LITAF: variants seen among roughly 807,000 people sequenced by gnomAD.
The protein encoded by LITAF is lipopolysaccharide-induced tumor necrosis factor-alpha factor.
In LITAF, 9 loss-of-function variants were observed where a neutral mutation model predicts 14.5. That is an observed-to-expected ratio of 0.62 (90% CI 0.37 to 1.08). LITAF has a LOEUF of 1.08. Ranked by LOEUF, LITAF falls within the 50% of genes least tolerant of loss-of-function variation. The pLI is 0.01. For synonymous variants in LITAF, 98 were observed against 88.2 expected (o/e 1.11, Z -0.62); for missense variants, 206 against 213.4 (o/e 0.97, Z 0.22).
At chr16:11,610,928 C>G (rs2064979069) in intron 3 of LITAF, among the ~76,000 whole-genome samples, 2 of 152,020 alleles carry the variant, frequency 1.3e-5, no homozygotes, top group Non-Finnish European at 2.9e-5. Context: ...AGTGTCAGTC[C>G]TAATTGAAAC....
At chr16:11,593,509 A>G (rs772788936) in intron 1 of LITAF, among the ~76,000 whole-genome samples, 1 of 152,172 alleles carries the variant, frequency 6.6e-6, no homozygotes, top group Non-Finnish European at 1.5e-5. Context: ...GAAAACAAGT[A>G]CTCAAGTGAA....
At chr16:11,582,378 C>T (rs1008247097) in intron 1 of LITAF, among the ~76,000 whole-genome samples, 1 of 144,680 alleles carries the variant, frequency 6.9e-6, no homozygotes, top group East Asian at 2.1e-4. Context: ...GGGTGGTAAA[C>T]TCTTCTAAAA....
intron 3 of LITAF, among the ~76,000 whole-genome samples, chr16:11,631,000 T>C (rs75265513): frequency 0.018 from 2,767 of 152,288 alleles, 85 homozygotes; most frequent in East Asian, 0.14. Context: ...CTAAGCACTG[T>C]CTGCTTATTT....
Position 11,549,153 on chromosome 16 carries a change from T to G in LITAF, c.*484A>C, listed in dbSNP as rs16958443. 3.9e-3 allele frequency: 1,792 copies of G among 454,136 alleles called. 38 individuals carry two copies. The highest frequency in any genetic ancestry group is 0.033 in the African/African-American group (1,675 of 50,096). 28.1% of individuals were successfully genotyped at this position (454,136 alleles called of 1,614,324 possible). A position where few individuals can be genotyped will look rare whatever the true frequency, so the allele number is the denominator to read the frequency against. ...CCTGTAAAGTCTGTAAGGCAAGATC[T>G]TTGTCATCAGGGACGGGAAGAGACG... On this transcript the variant is annotated 3_prime_UTR_variant, in exon 4 of 4. Transcript: ENST00000622633. The surrounding 1 kb of genome is among the most constrained non-coding windows in gnomAD (Gnocchi z 4.6).
chr16:11,564,513 G>T (rs1446081783), intron 1 of LITAF, among the ~76,000 whole-genome samples: 1 of 151,944 alleles, frequency 6.6e-6, no homozygotes, highest in East Asian at 1.9e-4. Context: ...TTCAACGTTT[G>T]CACAATCAAA....
chr16:11,583,077 G>A (rs1171654502), intron 1 of LITAF, among the ~76,000 whole-genome samples: 1 of 152,168 alleles, frequency 6.6e-6, no homozygotes, highest in Non-Finnish European at 1.5e-5. Context: ...GAAAGGAAGC[G>A]AGAAATTGGC....
In LITAF at chr16:11,579,196, A is replaced by G. The variant is rs536012365; in HGVS notation, c.-6+7690T>C. On this transcript the variant is annotated intron_variant, in intron 1 of 3. Transcript: ENST00000622633. Reference sequence around the variant, plus strand: ...AAGAACAAAACTCTGTCTCAAAAAAATAAAACACAGTTTGGGAGGCCGAGG... The same window carrying G: ...AAGAACAAAACTCTGTCTCAAAAAAGTAAAACACAGTTTGGGAGGCCGAGG... Among the ~76,000 whole-genome samples the G allele has an allele frequency of 2.6e-5, 4 of 152,134 alleles. No individual in the cohort carries two copies. The South Asian group carries it at 8.3e-4, about 32-fold the overall frequency.
intron 1 of LITAF, among the ~76,000 whole-genome samples, chr16:11,597,894 G>C (rs916222500): frequency 1.3e-5 from 2 of 152,086 alleles, no homozygotes; most frequent in Non-Finnish European, 2.9e-5. Context: ...ACAAAACCCA[G>C]CATGCTTTTT....
At chr16:11,580,271 T>G (rs1449402374) in intron 1 of LITAF, among the ~76,000 whole-genome samples, 1 of 152,106 alleles carries the variant, frequency 6.6e-6, no homozygotes, top group African/African-American at 2.4e-5. Context: ...GTTTTTTTTT[T>G]TTTTGAGACG....
intron 1 of LITAF, among the ~76,000 whole-genome samples, chr16:11,582,505 G>A (rs1002323416): frequency 1.3e-5 from 2 of 152,024 alleles, no homozygotes; most frequent in African/African-American, 2.4e-5. Context: ...CTTAATCCTC[G>A]AAGATCGATT....
chr16:11,633,132 G>T (rs528454453), intron 3 of LITAF, among the ~76,000 whole-genome samples: 1 of 152,232 alleles, frequency 6.6e-6, no homozygotes, highest in South Asian at 2.1e-4. Flanking sequence ...GACACATCAC[G>T]CTGGAGGCAA....
At position 11,586,492 on chromosome 16, in the gene LITAF, T is replaced by C. The variant is rs1397042150; in HGVS notation, c.-6+394A>G. ...CCCCCGGGGGATATTTCTGGAAATC[T>C]CAACCTGAGTCACTAGAGAGAATCG... On this transcript the variant is annotated intron_variant, in intron 1 of 3. Transcript: ENST00000622633. This position sits in a 1 kb window ranked among gnomAD's most constrained non-coding sequence, Gnocchi z 6.5. 2 of 152,170 alleles carry C rather than the reference T, an allele frequency of 1.3e-5. No individual in the cohort carries two copies. The highest frequency in any genetic ancestry group is 4.8e-5 in the African/African-American group (2 of 41,450). 9.4% of individuals were successfully genotyped at this position (152,170 alleles called of 1,614,324 possible). A position where few individuals can be genotyped will look rare whatever the true frequency, so the allele number is the denominator to read the frequency against.
upstream of LITAF, among the ~76,000 whole-genome samples, chr16:11,602,824 A>C (rs2064935654): frequency 6.6e-6 from 1 of 151,890 alleles, no homozygotes; most frequent in African/African-American, 2.4e-5. Flanking sequence ...GAAAGGACAC[A>C]GGTGGGATTC....
At chr16:11,564,038 C>G (rs1424108253) in intron 1 of LITAF, among the ~76,000 whole-genome samples, 1 of 152,046 alleles carries the variant, frequency 6.6e-6, no homozygotes, top group Non-Finnish European at 1.5e-5. Flanking sequence ...TCCCGAGAAG[C>G]TGGGATTACA....
chr16:11,576,554 A>AAGACAG (rs1555469759), intron 1 of LITAF, among the ~76,000 whole-genome samples: 6 of 116,660 alleles, frequency 5.1e-5, no homozygotes, highest in African/African-American at 1.7e-4. Flanking sequence ...AAAAAAAAAA[A>AAGACAG]AGAGAGAGAG....
intron 1 of LITAF, among the ~76,000 whole-genome samples, chr16:11,566,473 T>C (rs573896558): frequency 6.6e-6 from 1 of 152,164 alleles, no homozygotes; most frequent in East Asian, 1.9e-4. Context: ...GCATGAAGAT[T>C]TGGGAGCAGG....
rs1192841939 is a variant in LITAF at position 11,548,404 on chromosome 16, T to C, written c.*1233A>G. On this transcript the variant is annotated 3_prime_UTR_variant, in exon 4 of 4. Coordinates refer to ENST00000622633, the MANE Select transcript of LITAF (RefSeq NM_001136472.2). ...CAGACTTTAGATTCCTCTGAAACAG[T>C]TCTGGTTCCCAAGCATCCGCACCAT... 4.4e-6 allele frequency: 2 copies of C among 453,904 alleles called. No homozygotes were observed. Among genetic ancestry groups the C allele is most frequent in the Non-Finnish European group, 4.4e-6 (1 of 226,800 alleles). 28.1% of individuals were successfully genotyped at this position (453,904 alleles called of 1,614,324 possible). A position where few individuals can be genotyped will look rare whatever the true frequency, so the allele number is the denominator to read the frequency against.
At chr16:11,555,919 AC>A (rs2064260915) in intron 2 of LITAF, among the ~76,000 whole-genome samples, 1 of 152,186 alleles carries the variant, frequency 6.6e-6, no homozygotes, top group South Asian at 2.1e-4. Flanking sequence ...GGTTATGTGA[AC>A]CCAGGCAGTC....
chr16:11,568,673 G>GTTTTTTTTTTT (rs374757371), intron 1 of LITAF, among the ~76,000 whole-genome samples: 1 of 116,368 alleles, frequency 8.6e-6, no homozygotes, highest in Non-Finnish European at 1.8e-5. Flanking sequence ...GTACACCCTT[G>GTTTTTTTTTTT]TTTTTTTTTG....
Sources: gnomAD v4.1 joint callset for allele counts (sites outside exome capture counted in the v4.1 genomes callset) on GRCh38, gnomAD v4.1.1 for gene constraint, Gnocchi (gnomAD v3.1) non-coding constraint, MANE v1.5 for transcripts, NCBI Gene and HGNC (gene_info 2026-07-23, HGNC 2026-07-21) for gene names.